Variants in CREB3L2 observed in about 807,000 individuals in gnomAD.
CREB3L2 encodes the protein cAMP responsive element binding protein 3 like 2.
CREB3L2 carries 23 observed loss-of-function variants against 57.2 expected under a neutral mutation model. The observed-to-expected ratio is 0.40, with a 90% CI of 0.29 to 0.57. CREB3L2 has a LOEUF of 0.57. Among genes scored for constraint, CREB3L2 ranks in the 20% least tolerant of loss-of-function variants. CREB3L2 has a pLI of 0.42. For synonymous variants in CREB3L2, 268 were observed against 265.1 expected (o/e 1.01, Z -0.11); for missense variants, 628 against 634.7 (o/e 0.99, Z 0.11).
intron 1 of CREB3L2, among the ~76,000 whole-genome samples, chr7:137,997,799 C>G (rs1219235624): frequency 6.6e-6 from 1 of 151,972 alleles, no homozygotes; most frequent in Non-Finnish European, 1.5e-5. Flanking sequence ...AAGTAATTTT[C>G]AGAGAATTTT....
chr7:137,994,739 G>C lies in CREB3L2; in HGVS notation c.102+6865C>G, dbSNP rs114179994. Among the ~76,000 whole-genome samples, 992 of 152,254 alleles carry C rather than the reference G, an allele frequency of 6.5e-3. 14 individuals carry two copies. Among genetic ancestry groups the C allele is most frequent in the African/African-American group, 0.023 (946 of 41,538 alleles). ...GGCAGAGGATCCCTTGAGCCCAGGG[G>C]TTCAAGACCAGCCTAGGCAACATAA... On this transcript the variant is annotated intron_variant, in intron 1 of 11. Coordinates refer to ENST00000330387, the MANE Select transcript of CREB3L2 (RefSeq NM_194071.4).
chr7:137,959,577 G>A (rs566018784), intron 1 of CREB3L2, among the ~76,000 whole-genome samples: 41 of 152,304 alleles, frequency 2.7e-4, no homozygotes, highest in Admixed American at 6.5e-4. Context: ...AAGTTGTATG[G>A]TGATTTGTTA....
At chr7:137,916,114 G>T in intron 2 of CREB3L2, 102 bp from the exon 3 acceptor site, 1 of 832,898 alleles carries the variant, frequency 1.2e-6, no homozygotes, top group Non-Finnish European at 1.8e-6. Flanking sequence ...GCTCAGTGAA[G>T]GATGATTGAA....
intron 4 of CREB3L2, among the ~76,000 whole-genome samples, chr7:137,910,312 T>C (rs1216551979): frequency 6.6e-6 from 1 of 152,070 alleles, no homozygotes; most frequent in East Asian, 1.9e-4. Context: ...TTTCTCTAGA[T>C]GTTTCCTCTT....
chr7:137,910,743 G>C (rs1426889243), intron 4 of CREB3L2, among the ~76,000 whole-genome samples: 1 of 152,066 alleles, frequency 6.6e-6, no homozygotes, highest in Non-Finnish European at 1.5e-5. Context: ...ACAAAAGACA[G>C]AAAGAGAATT....
chr7:137,905,866 C>G lies in CREB3L2; in HGVS notation c.769-18G>C, dbSNP rs1799881070. 6.3e-7 allele frequency: 1 copy of G among 1,579,942 alleles called. No homozygotes were observed. The highest frequency in any genetic ancestry group is 8.6e-7 in the Non-Finnish European group (1 of 1,166,924). On this transcript the variant is annotated intron_variant, in intron 5 of 11. Transcript: ENST00000330387. Reference sequence around the variant, plus strand: ...TGCAGTTTCTGTGCAGACCAAGGAGCAGAAAAGGGTCAAAGAAAAAGAACT... The same window carrying G: ...TGCAGTTTCTGTGCAGACCAAGGAGGAGAAAAGGGTCAAAGAAAAAGAACT...
intron 1 of CREB3L2, among the ~76,000 whole-genome samples, chr7:137,989,834 G>A (rs1185698851): frequency 6.6e-6 from 1 of 152,070 alleles, no homozygotes; most frequent in East Asian, 1.9e-4. Flanking sequence ...AGCCTTCCAA[G>A]CCAGAAAACA....
intron 2 of CREB3L2, among the ~76,000 whole-genome samples, chr7:137,916,833 A>G (rs541187118): frequency 1.5e-3 from 227 of 152,276 alleles, no homozygotes; most frequent in African/African-American, 5.2e-3. Flanking sequence ...ACAGAGAGAG[A>G]GAGAGAAGCA....
At chr7:137,922,382 A>ATATATGTG (rs1339365374) in intron 2 of CREB3L2, among the ~76,000 whole-genome samples, 1 of 102,790 alleles carries the variant, frequency 9.7e-6, no homozygotes, top group Admixed American at 9.2e-5. Context: ...ATATATATAT[A>ATATATGTG]TGTATATATA....
chr7:137,922,420 ATATATATATATATATACG>A (rs1800333183), intron 2 of CREB3L2, among the ~76,000 whole-genome samples: 2 of 42,718 alleles, frequency 4.7e-5, no homozygotes, highest in Non-Finnish European at 7.2e-5. Context: ...ATATATGTAT[ATATATATATATATATACG>A]TATATATATA....
intron 1 of CREB3L2, among the ~76,000 whole-genome samples, chr7:137,933,138 G>T (rs1245398479): frequency 2.0e-5 from 3 of 152,202 alleles, no homozygotes; most frequent in African/African-American, 7.2e-5. Flanking sequence ...TTGCCTGATG[G>T]TGACTATTCT....
chr7:137,938,354 T>C (rs1387156726), intron 1 of CREB3L2, among the ~76,000 whole-genome samples: 1 of 152,116 alleles, frequency 6.6e-6, no homozygotes, highest in Non-Finnish European at 1.5e-5. Flanking sequence ...TGTTTGTTTG[T>C]TTGTTTTTTG....
At chr7:137,948,274 T>C (rs562916456) in intron 1 of CREB3L2, among the ~76,000 whole-genome samples, 1 of 152,376 alleles carries the variant, frequency 6.6e-6, no homozygotes, top group East Asian at 1.9e-4. Flanking sequence ...TAGGACTACC[T>C]AAAACATGCT....
chr7:137,973,175 GAAAA>G (rs56720528), intron 1 of CREB3L2, among the ~76,000 whole-genome samples: 15 of 129,854 alleles, frequency 1.2e-4, no homozygotes, highest in Middle Eastern at 4.0e-3. Context: ...TAATAATAAT[GAAAA>G]AAAAAAAAAA....
chr7:137,902,078 G>A (rs996129530), intron 7 of CREB3L2, among the ~76,000 whole-genome samples: 2 of 149,110 alleles, frequency 1.3e-5, no homozygotes, highest in Admixed American at 6.8e-5. Context: ...CCTGTAATCC[G>A]AGCTACTTGG....
At chr7:137,988,842 C>A (rs1428363787) in intron 1 of CREB3L2, among the ~76,000 whole-genome samples, 2 of 151,858 alleles carry the variant, frequency 1.3e-5, no homozygotes, top group African/African-American at 4.8e-5. Context: ...GCCTGCAATC[C>A]CAGCACTTTG....
chr7:137,876,389 A>G lies in CREB3L2; in HGVS notation c.*4087T>C, dbSNP rs1799156138. The G allele has an allele frequency of 4.3e-6, 1 of 232,876 alleles. No individual in the cohort carries two copies. Among genetic ancestry groups the G allele is most frequent in the African/African-American group, 2.2e-5 (1 of 45,150 alleles). 14.4% of individuals were successfully genotyped at this position (232,876 alleles called of 1,614,324 possible). A position where few individuals can be genotyped will look rare whatever the true frequency, so the allele number is the denominator to read the frequency against. On this transcript the variant is annotated 3_prime_UTR_variant, in exon 12 of 12. Coordinates refer to ENST00000330387, the MANE Select transcript of CREB3L2 (RefSeq NM_194071.4). ...GTGTGTCAGAGAGAGAAGAAGGGAGAGAGAAGTATAAGCATTTGGGTCTTT... is the reference window on the plus strand; with the variant it reads ...GTGTGTCAGAGAGAGAAGAAGGGAGGGAGAAGTATAAGCATTTGGGTCTTT...
chr7:137,959,771 C>G (rs759129329), intron 1 of CREB3L2, among the ~76,000 whole-genome samples: 1 of 152,084 alleles, frequency 6.6e-6, no homozygotes, highest in African/African-American at 2.4e-5. Context: ...TTAAATTATC[C>G]GAAGTAAACT....
At chr7:137,925,755 A>G (rs1476081297) in intron 2 of CREB3L2, among the ~76,000 whole-genome samples, 2 of 152,182 alleles carry the variant, frequency 1.3e-5, no homozygotes, top group African/African-American at 4.8e-5. Context: ...ACTCATCCAC[A>G]CTGCCTCACT....
Sources: gnomAD v4.1 joint callset for allele counts (sites outside exome capture counted in the v4.1 genomes callset) on GRCh38, gnomAD v4.1.1 for gene constraint, MANE v1.5 for transcripts, NCBI Gene and HGNC (gene_info 2026-07-23, HGNC 2026-07-21) for gene names.